Variants in LRRC18 observed in about 807,000 individuals in gnomAD.
The protein encoded by LRRC18 is leucine rich repeat containing 18, also known as leucine-rich repeat-containing protein 18.
In LRRC18, 12 loss-of-function variants were observed where a neutral mutation model predicts 11.2. That is an observed-to-expected ratio of 1.07 (90% CI 0.69 to 1.74). LRRC18 has a LOEUF of 1.74. Ranked by LOEUF, LRRC18 falls within the 40% of genes most tolerant of loss-of-function variation. The probability of loss-of-function intolerance (pLI) is 0.00; values close to 1 mark genes in which losing one functional copy is unlikely to be tolerated. For missense variants in LRRC18, 374 were observed against 330.5 expected, an observed-to-expected ratio of 1.13 and a Z score of -1.02; for synonymous variants, 155 against 130.6, an observed-to-expected ratio of 1.19 and a Z score of -1.27.
the LRRC18 span, among the ~76,000 whole-genome samples, chr10:48,928,515 C>T: frequency 1.8e-4 from 27 of 152,234 alleles, no homozygotes; most frequent in African/African-American, 6.0e-4. Flanking sequence ...TGCAGCCTAG[C>T]GTCCTTATGG....
At chr10:48,912,806 C>A (rs1213721825) in intron 1 of LRRC18, among the ~76,000 whole-genome samples, 1 of 152,186 alleles carries the variant, frequency 6.6e-6, no homozygotes, top group Non-Finnish European at 1.5e-5. Context: ...GCAAGTTATG[C>A]AAGCTCAGTT....
chr10:48,937,008 C>T, the LRRC18 span, among the ~76,000 whole-genome samples: 1 of 151,838 alleles, frequency 6.6e-6, no homozygotes, highest in Non-Finnish European at 1.5e-5. Flanking sequence ...CAAACTTCAC[C>T]TCCCGGGTTC....
exon 1 of LRRC18, chr10:48,913,798 G>T: frequency 6.2e-7 from 1 of 1,614,092 alleles, no homozygotes; most frequent in Non-Finnish European, 8.5e-7. Context: ...ATGTTCTTGA[G>T]TTGCTTCAGC....
the LRRC18 span, among the ~76,000 whole-genome samples, chr10:48,924,882 C>T: frequency 1.3e-5 from 2 of 152,202 alleles, no homozygotes; most frequent in Admixed American, 1.3e-4. Context: ...TTTAAGCAGA[C>T]TGACTTTGTT....
intron 1 of LRRC18, chr10:48,910,944 C>G (rs545717020): frequency 1.0e-6 from 1 of 982,042 alleles, no homozygotes; most frequent in East Asian, 1.1e-4. Context: ...TTTTGAATAC[C>G]TAAGGAGGGA....
chr10:48,923,975 C>T, the LRRC18 span, among the ~76,000 whole-genome samples: 1 of 152,188 alleles, frequency 6.6e-6, no homozygotes, highest in African/African-American at 2.4e-5. Context: ...GAGAAGAAGC[C>T]CTCCCAGCTC....
intron 1 of LRRC18, among the ~76,000 whole-genome samples, chr10:48,913,132 A>G (rs969661409): frequency 1.3e-5 from 2 of 152,200 alleles, no homozygotes; most frequent in African/African-American, 4.8e-5. Flanking sequence ...ATGGACATGG[A>G]CAGGCCCTTC....
intron 1 of LRRC18, 85 bp from the exon 4 acceptor site, chr10:48,910,343 C>T: frequency 1.7e-6 from 2 of 1,200,822 alleles, no homozygotes; most frequent in Non-Finnish European, 2.5e-6. Flanking sequence ...CACCAGCTCA[C>T]CAAGGTCATG....
the LRRC18 span, among the ~76,000 whole-genome samples, chr10:48,931,632 T>C: frequency 1.4e-4 from 21 of 152,212 alleles, no homozygotes; most frequent in Admixed American, 8.5e-4. Context: ...TTCAGGTTAG[T>C]GGAGAAAAAG....
chr10:48,922,952 C>G, the LRRC18 span, among the ~76,000 whole-genome samples: 1 of 152,158 alleles, frequency 6.6e-6, no homozygotes, highest in African/African-American at 2.4e-5. Flanking sequence ...TGCCTGCACC[C>G]TGACAGTGAT....
At chr10:48,929,249 A>AGAAG in the LRRC18 span, among the ~76,000 whole-genome samples, 14 of 152,072 alleles carry the variant, frequency 9.2e-5, no homozygotes, top group African/African-American at 1.7e-4. Flanking sequence ...AGAGGAAGAA[A>AGAAG]GAAGGAAGGA....
the LRRC18 span, among the ~76,000 whole-genome samples, chr10:48,932,187 C>A: frequency 3.3e-5 from 5 of 152,192 alleles, no homozygotes; most frequent in African/African-American, 1.2e-4. Flanking sequence ...TCAGTGGGCA[C>A]TCAACAAAGC....
At chr10:48,930,367 T>C in the LRRC18 span, among the ~76,000 whole-genome samples, 16 of 152,356 alleles carry the variant, frequency 1.1e-4, no homozygotes, top group East Asian at 2.5e-3. Context: ...GTGTGTACCC[T>C]CTTGGAGACA....
exon 1 of LRRC18, chr10:48,913,901 T>C (rs898934469): frequency 6.2e-7 from 1 of 1,614,150 alleles, no homozygotes; most frequent in Non-Finnish European, 8.5e-7. Flanking sequence ...GCAGCTTGTC[T>C]ATGTAGTTGC....
the LRRC18 span, among the ~76,000 whole-genome samples, chr10:48,935,916 GT>G: frequency 5.1e-5 from 7 of 138,110 alleles, no homozygotes; most frequent in African/African-American, 1.8e-4. Flanking sequence ...TTTTTTTTCA[GT>G]TTTTTTCTTA....
At chr10:48,926,063 CTG>C in the LRRC18 span, among the ~76,000 whole-genome samples, 1 of 152,182 alleles carries the variant, frequency 6.6e-6, no homozygotes, top group Non-Finnish European at 1.5e-5. Flanking sequence ...TTTCTATACA[CTG>C]TGCCACCTCT....
the LRRC18 span, among the ~76,000 whole-genome samples, chr10:48,928,953 T>A: frequency 6.6e-6 from 1 of 152,182 alleles, no homozygotes; most frequent in Non-Finnish European, 1.5e-5. Flanking sequence ...CCCGCTCACA[T>A]TCTAGAAAAA....
upstream of LRRC18, among the ~76,000 whole-genome samples, chr10:48,915,621 G>A (rs11101563): frequency 0.048 from 7,277 of 152,150 alleles, 191 homozygotes; most frequent in African/African-American, 0.059. Flanking sequence ...GAATATAGTT[G>A]TATGTTTTCC....
At chr10:48,931,398 C>T in the LRRC18 span, among the ~76,000 whole-genome samples, 12 of 152,298 alleles carry the variant, frequency 7.9e-5, no homozygotes, top group African/African-American at 2.6e-4. Flanking sequence ...CCAAGGCAGC[C>T]GTTCCTGTTT....
Sources: gnomAD v4.1 joint callset for allele counts (sites outside exome capture counted in the v4.1 genomes callset) on GRCh38, gnomAD v4.1.1 for gene constraint, MANE v1.5 for transcripts, NCBI Gene and HGNC (gene_info 2026-07-23, HGNC 2026-07-21) for gene names.